The following RPRD2 variants were observed in gnomAD, a reference collection of about 807,000 sequenced individuals.
RPRD2 encodes the protein regulation of nuclear pre-mRNA domain-containing protein 2.
A neutral mutation model predicts 104.4 loss-of-function variants in RPRD2; 12 were observed. The ratio of observed to expected loss-of-function variants is 0.11; its 90% confidence interval spans 0.07 to 0.19. RPRD2 has a LOEUF of 0.19. Ranked by LOEUF, RPRD2 falls within the 10% of genes least tolerant of loss-of-function variation. The pLI is 1.00. For missense variants in RPRD2, 1,543 were observed against 1,790.1 expected (o/e 0.86, Z 2.49); for synonymous variants, 714 against 684.9 (o/e 1.04, Z -0.66).
At chr1:150,452,248 A>C (rs2102390901) in intron 7 of RPRD2, among the ~76,000 whole-genome samples, 1 of 152,292 alleles carries the variant, frequency 6.6e-6, no homozygotes, top group South Asian at 2.1e-4. Context: ...TGCAGCTACA[A>C]GCCAAAAACA....
At chr1:150,370,729 A>G (rs1553878191) in intron 1 of RPRD2, among the ~76,000 whole-genome samples, 1 of 151,792 alleles carries the variant, frequency 6.6e-6, no homozygotes, top group Non-Finnish European at 1.5e-5. Flanking sequence ...TACACACACC[A>G]CACCCAGCTA....
chr1:150,416,157 A>G (rs1303550362), intron 1 of RPRD2, among the ~76,000 whole-genome samples: 4 of 152,204 alleles, frequency 2.6e-5, no homozygotes, highest in African/African-American at 9.7e-5. Context: ...AGATTGATCC[A>G]AATTTGGGAT....
At position 150,472,980 on chromosome 1, in the gene RPRD2, A is replaced by G; in HGVS notation, c.4032A>G (p.Pro1344=). The G allele has an allele frequency of 1.2e-6, 2 of 1,613,986 alleles. No homozygotes were observed. Among genetic ancestry groups the G allele is most frequent in the Non-Finnish European group, 1.7e-6 (2 of 1,179,870 alleles). ...GTLAEHFGVL[P]GPRDHGGPTQ... ...TGGCTGAGCATTTTGGGGTACTCCC[A>G]GGACCCAGGGACCACGGGGGCCCCA... Residue 1344 remains proline, a synonymous_variant, in exon 11 of 11, where the codon CCA becomes CCG. Transcript: ENST00000369068.
intron 1 of RPRD2, among the ~76,000 whole-genome samples, chr1:150,371,635 C>G (rs1553878358): frequency 1.3e-5 from 2 of 152,158 alleles, no homozygotes; most frequent in Admixed American, 6.6e-5. Context: ...TCCCAAAGTG[C>G]TGGGATTACA....
intron 10 of RPRD2, among the ~76,000 whole-genome samples, chr1:150,466,543 CAAAA>C (rs56756923): frequency 4.2e-4 from 46 of 109,038 alleles, no homozygotes; most frequent in African/African-American, 1.4e-3. Flanking sequence ...GACCCTGCCT[CAAAA>C]AAAAAAAAAA....
At chr1:150,368,336 A>G (rs1184209640) in intron 1 of RPRD2, among the ~76,000 whole-genome samples, 1 of 150,542 alleles carries the variant, frequency 6.6e-6, no homozygotes, top group Non-Finnish European at 1.5e-5. Context: ...TTTGTCGTCC[A>G]GTCTGGAGTG....
rs142680367 is a variant in RPRD2 at position 150,399,824 on chromosome 1, A to G, written c.206-17772A>G. On this transcript the variant is annotated intron_variant, in intron 1 of 10. Coordinates refer to ENST00000369068, the MANE Select transcript of RPRD2 (RefSeq NM_015203.5). ...CTTGATTATTGTAGCTTGTATGGAA[A>G]TCAGGTAGTATGCATCTTCTAACAA... Among the ~76,000 whole-genome samples, 498 of 152,126 alleles carry G rather than the reference A, an allele frequency of 3.3e-3. 4 individuals are homozygous for G. Among genetic ancestry groups the G allele is most frequent in the African/African-American group, 0.011 (471 of 41,508 alleles).
At chr1:150,458,606 A>G (rs1040277102) in intron 8 of RPRD2, among the ~76,000 whole-genome samples, 1 of 152,128 alleles carries the variant, frequency 6.6e-6, no homozygotes, top group Non-Finnish European at 1.5e-5. Flanking sequence ...AATAAAATAG[A>G]ATTTTTAAAT....
rs782618290 is a variant in RPRD2 at position 150,464,511 on chromosome 1, A to T, written c.1412-16A>T. On this transcript the variant is annotated splice_polypyrimidine_tract_variant and intron_variant, in intron 9 of 10. Transcript: ENST00000369068. ...TTTTGAATTGCATTTTCTTGAGTTCATCTTTCTGCCACCAGGGGTCAGTCC... is the reference window on the plus strand; with the variant it reads ...TTTTGAATTGCATTTTCTTGAGTTCTTCTTTCTGCCACCAGGGGTCAGTCC... 1.3e-6 allele frequency: 2 copies of T among 1,579,056 alleles called. No homozygotes were observed. Among genetic ancestry groups the T allele is most frequent in the Non-Finnish European group, 1.7e-6 (2 of 1,162,388 alleles).
In RPRD2 at chr1:150,364,825, C is replaced by T. The variant is rs1234844684; in HGVS notation, c.111C>T (p.Thr37=). 8.7e-6 allele frequency: 14 copies of T among 1,613,772 alleles called. No individual in the cohort carries two copies. Among genetic ancestry groups the T allele is most frequent in the Non-Finnish European group, 1.1e-5 (13 of 1,179,782 alleles). ...LDRKFQSVTN[T]MESIQGLSSW... Reference sequence around the variant, plus strand: ...GAAAATTCCAGTCGGTAACCAACACCATGGAGTCCATTCAAGGCTTGTCGT... The same window carrying T: ...GAAAATTCCAGTCGGTAACCAACACTATGGAGTCCATTCAAGGCTTGTCGT... Residue 37 remains threonine, a synonymous_variant, in exon 1 of 11, where the codon ACC becomes ACT. Coordinates refer to ENST00000369068, the MANE Select transcript of RPRD2 (RefSeq NM_015203.5).
intron 1 of RPRD2, among the ~76,000 whole-genome samples, chr1:150,373,508 A>C (rs868911686): frequency 1.8e-4 from 27 of 146,446 alleles, no homozygotes; most frequent in African/African-American, 6.5e-4. Context: ...GTGGGGTGAG[A>C]GAGGAGGAGA....
chr1:150,423,062 T>TA (rs1350716075), intron 2 of RPRD2, among the ~76,000 whole-genome samples: 2 of 152,112 alleles, frequency 1.3e-5, no homozygotes, highest in Non-Finnish European at 1.5e-5. Flanking sequence ...TGTAAGAAAA[T>TA]ATGTATGTGA....
chr1:150,442,676 G>C, intron 4 of RPRD2, among the ~76,000 whole-genome samples: 1 of 152,154 alleles, frequency 6.6e-6, no homozygotes, highest in Admixed American at 6.6e-5. Flanking sequence ...CATCTTCTTG[G>C]TCATAAGTTG....
chr1:150,472,358 C>G lies in RPRD2; in HGVS notation c.3410C>G (p.Ser1137Cys). The G allele has an allele frequency of 6.2e-7, 1 of 1,613,996 alleles. No individual in the cohort carries two copies. Among genetic ancestry groups the G allele is most frequent in the Non-Finnish European group, 8.5e-7 (1 of 1,179,892 alleles). ...GWFDLSTSGS[S>C]FDNGPSSASE... ...TTTGATCTGAGCACATCAGGTAGCT[C>G]TTTTGACAATGGCCCTTCAAGTGCC... Residue 1137 changes from serine (S) to cysteine (C), a missense_variant, in exon 11 of 11, where the codon TCT becomes TGT. Around this residue, in one of 4 missense-constraint regions of RPRD2, gnomAD observed 880 missense variants for 885.6 expected, o/e 0.99. Coordinates refer to ENST00000369068, the MANE Select transcript of RPRD2 (RefSeq NM_015203.5).
In RPRD2 at chr1:150,472,497, C is replaced by T; in HGVS notation, c.3549C>T (p.Ser1183=). Residue 1183 remains serine (S), a synonymous_variant, in exon 11 of 11, where the codon TCC becomes TCT. Coordinates refer to ENST00000369068, the MANE Select transcript of RPRD2 (RefSeq NM_015203.5). ...QFQESVGSFR[S]NSFNSTFEHH... ...AGGAGAGTGTCGGCAGCTTTCGTTCCAACAGTTTCAACTCAACATTTGAGC... is the reference window on the plus strand; with the variant it reads ...AGGAGAGTGTCGGCAGCTTTCGTTCTAACAGTTTCAACTCAACATTTGAGC... The T allele has an allele frequency of 6.2e-7, 1 of 1,613,942 alleles. No individual in the cohort carries two copies. The highest frequency in any genetic ancestry group is 8.5e-7 in the Non-Finnish European group (1 of 1,179,880).
intron 2 of RPRD2, among the ~76,000 whole-genome samples, chr1:150,433,725 T>G (rs1665783912): frequency 1.0e-5 from 1 of 100,004 alleles, no homozygotes; most frequent in Non-Finnish European, 2.2e-5. Context: ...ATTACCATAG[T>G]TTTTTTTTTA....
intron 1 of RPRD2, among the ~76,000 whole-genome samples, chr1:150,415,940 G>C (rs1009701600): frequency 1.3e-5 from 2 of 152,180 alleles, no homozygotes; most frequent in Non-Finnish European, 2.9e-5. Context: ...GAGAAGAAGA[G>C]ATGTGGTAAA....
chr1:150,473,403 G>T lies in RPRD2; in HGVS notation c.*69G>T. The stretch of plus-strand genomic sequence containing the variant: ...GGAAGTAGGAGTTTGGTTTATTGTT[G>T]TTGTTTTTATTTGTTTTCTCTTTCT... On this transcript the variant is annotated 3_prime_UTR_variant, in exon 11 of 11. Coordinates refer to ENST00000369068, the MANE Select transcript of RPRD2 (RefSeq NM_015203.5). The T allele has an allele frequency of 2.1e-6, 3 of 1,422,250 alleles. No individual in the cohort carries two copies. The highest frequency in any genetic ancestry group is 1.9e-6 in the Non-Finnish European group (2 of 1,065,322). 88.1% of individuals were successfully genotyped at this position (1,422,250 alleles called of 1,614,324 possible).
chr1:150,368,777 T>C (rs943358731), intron 1 of RPRD2, among the ~76,000 whole-genome samples: 1 of 151,848 alleles, frequency 6.6e-6, no homozygotes, highest in East Asian at 1.9e-4. Context: ...CTGGCTAATT[T>C]TTGTATTTTT....
Sources: gnomAD v4.1 joint callset for allele counts (sites outside exome capture counted in the v4.1 genomes callset) on GRCh38, gnomAD v4.1.1 for gene constraint, gnomAD v4.1.1 regional missense constraint, MANE v1.5 for transcripts, NCBI Gene and HGNC (gene_info 2026-07-23, HGNC 2026-07-21) for gene names.